PTX3: variants seen among roughly 807,000 people sequenced by gnomAD.
The protein encoded by PTX3 is pentraxin 3.
A neutral mutation model predicts 23.5 loss-of-function variants in PTX3; 24 were observed. The observed-to-expected ratio is 1.02, with a 90% CI of 0.74 to 1.43. PTX3 has a LOEUF of 1.43. PTX3 is among the 40% of genes most tolerant of loss of function. The probability of loss-of-function intolerance (pLI) is 0.00; values close to 1 mark genes in which losing one functional copy is unlikely to be tolerated. For synonymous variants in PTX3, 218 were observed against 205.4 expected (o/e 1.06, Z -0.53); for missense variants, 510 against 497.5 (o/e 1.02, Z -0.24).
chr3:157,438,123 G>A lies in PTX3; in HGVS notation c.532+209G>A, dbSNP rs528614608. Among the ~76,000 whole-genome samples the A allele has an allele frequency of 2.0e-5, 3 of 151,644 alleles. No homozygotes were observed. The East Asian group carries it at 5.9e-4, about 30-fold the overall frequency. ...GAGCTCAGGCACACCATACAAGGCG[G>A]GAAAATTGGCTTTAAAAAAGTATTC... is the stretch of plus-strand genomic sequence containing the variant. On this transcript the variant is annotated intron_variant, in intron 2 of 2. Transcript: ENST00000295927.
At chr3:157,440,718 C>T (rs973379339) in intron 2 of PTX3, among the ~76,000 whole-genome samples, 1 of 151,882 alleles carries the variant, frequency 6.6e-6, no homozygotes, top group Non-Finnish European at 1.5e-5. Context: ...ATGCAGAGCT[C>T]ACCTGTTCTT....
At position 157,437,716 on chromosome 3, in the gene PTX3, A is replaced by C; in HGVS notation, c.334A>C (p.Arg112=). ...CGCGCCGGGGGCTCCCGCAGAGGCC[A>C]GGCTGACCAGTGCTCTGGACGAGCT... ...PCAPGAPAEA[R]LTSALDELLQ... is the part of the protein sequence containing the mutation. The change falls in exon 2 of 3, where the codon AGG becomes CGG. Residue 112 remains arginine (R), a synonymous_variant. Transcript: ENST00000295927. 1 of 1,530,490 alleles carries C rather than the reference A, an allele frequency of 6.5e-7. No homozygotes were observed. Among genetic ancestry groups the C allele is most frequent in the Non-Finnish European group, 8.7e-7 (1 of 1,144,048 alleles). The allele number at this position is 1,530,490 out of a possible 1,614,324, so 94.8% of individuals were successfully genotyped here.
At position 157,443,220 on chromosome 3, in the gene PTX3, C is replaced by A; in HGVS notation, c.*241C>A. On this transcript the variant is annotated 3_prime_UTR_variant, in exon 3 of 3. Coordinates refer to ENST00000295927, the MANE Select transcript of PTX3 (RefSeq NM_002852.4). ...ATGCCATGGTGCTTTCAGTTTAATG[C>A]TGTGTCTCTGTCAGATAAACTCTCA... 1 of 433,408 alleles carries A rather than the reference C, an allele frequency of 2.3e-6. No homozygotes were observed. Among genetic ancestry groups the A allele is most frequent in the East Asian group, 3.5e-5 (1 of 28,972 alleles). 26.8% of individuals were successfully genotyped at this position (433,408 alleles called of 1,614,324 possible).
intron 2 of PTX3, 130 bp from the exon 3 acceptor site, chr3:157,442,236 C>T (rs542835849): frequency 2.1e-5 from 18 of 850,052 alleles, no homozygotes; most frequent in African/African-American, 3.4e-5. Flanking sequence ...CTTCTTAAGT[C>T]GTAATGTAGG....
intron 2 of PTX3, 32 bp downstream of exon 2, chr3:157,437,946 C>A: frequency 6.6e-7 from 1 of 1,524,060 alleles, no homozygotes; most frequent in Non-Finnish European, 8.7e-7. Flanking sequence ...GGACCTCCCA[C>A]TGCGGCTTTG....
rs752668450 is a variant in PTX3 at position 157,442,692 on chromosome 3, G to T, written c.859G>T (p.Gly287Cys). The T allele has an allele frequency of 2.5e-6, 4 of 1,614,214 alleles. No homozygotes were observed. Among genetic ancestry groups the T allele is most frequent in the Admixed American group, 1.7e-5 (1 of 60,026 alleles). ...AGGGCTCACATCCTTGTGGGTAAAT[G>T]GTGAACTGGCGGCTACCACTGTTGA... ...EEGLTSLWVN[G>C]ELAATTVEMA... Residue 287 changes from glycine to cysteine, a missense_variant, in exon 3 of 3, where the codon GGT becomes TGT. Physicochemically the swap from Gly to Cys is radical, Grantham distance 159. Coordinates refer to ENST00000295927, the MANE Select transcript of PTX3 (RefSeq NM_002852.4).
intron 2 of PTX3, among the ~76,000 whole-genome samples, chr3:157,441,508 G>T (rs1262045844): frequency 1.3e-5 from 2 of 152,090 alleles, no homozygotes; most frequent in Admixed American, 6.6e-5. Flanking sequence ...AACATTTGGT[G>T]TATTAAAATG....
In PTX3 at chr3:157,442,682, G is replaced by A; in HGVS notation, c.849G>A (p.Leu283=). ...TWNSEEGLTS[L]WVNGELAATT... ...ATTCAGAGGAAGGGCTCACATCCTT[G>A]TGGGTAAATGGTGAACTGGCGGCTA... Residue 283 remains leucine (L), a synonymous_variant, in exon 3 of 3, where the codon TTG becomes TTA. Coordinates refer to ENST00000295927, the MANE Select transcript of PTX3 (RefSeq NM_002852.4). 6.2e-7 allele frequency: 1 copy of A among 1,614,232 alleles called. No individual in the cohort carries two copies. The highest frequency in any genetic ancestry group is 1.1e-5 in the South Asian group (1 of 91,088).
rs555169605 is a variant in PTX3, at chr3:157,437,859, G to C, written c.477G>C (p.Thr159=). 2.7e-6 allele frequency: 4 copies of C among 1,498,822 alleles called. No individual in the cohort carries two copies. Among genetic ancestry groups the C allele is most frequent in the Non-Finnish European group, 2.6e-6 (3 of 1,133,436 alleles). The allele number at this position is 1,498,822 out of a possible 1,614,324, so 92.8% of individuals were successfully genotyped here. ...LAAVLEELRQ[T]RADLHAVQGW... ...CGGTGCTAGAGGAGCTGCGGCAGACGCGAGCCGACCTGCACGCGGTGCAGG... is the reference window on the plus strand; with the variant it reads ...CGGTGCTAGAGGAGCTGCGGCAGACCCGAGCCGACCTGCACGCGGTGCAGG... The change falls in exon 2 of 3, where the codon ACG becomes ACC. Residue 159 remains threonine, a synonymous_variant. Transcript: ENST00000295927.
rs1473928081 is a variant in PTX3 at position 157,437,615 on chromosome 3, A to C, written c.233A>C (p.Asp78Ala). ...GAGCGCATGCTGCTGCAAGCCACGG[A>C]CGACGTCCTGCGGGGCGAGCTGCAG... ...MRERMLLQATDDVLRGELQRL... is the reference protein window; with the variant it reads ...MRERMLLQATADVLRGELQRL... Residue 78 changes from aspartate to alanine, a missense_variant, in exon 2 of 3, where the codon GAC becomes GCC. Asp to Ala is a moderately radical substitution (Grantham distance 126). Coordinates refer to ENST00000295927, the MANE Select transcript of PTX3 (RefSeq NM_002852.4). 4.5e-6 allele frequency: 7 copies of C among 1,565,298 alleles called. No individual in the cohort carries two copies. Among genetic ancestry groups the C allele is most frequent in the African/African-American group, 2.7e-5 (2 of 73,640 alleles).
chr3:157,440,996 C>A (rs185237738), intron 2 of PTX3, among the ~76,000 whole-genome samples: 1 of 152,330 alleles, frequency 6.6e-6, no homozygotes, highest in East Asian at 1.9e-4. Context: ...TTGGTCTATT[C>A]AGCTCTTAAG....
At chr3:157,439,302 G>T (rs1733925754) in intron 2 of PTX3, among the ~76,000 whole-genome samples, 1 of 152,194 alleles carries the variant, frequency 6.6e-6, no homozygotes, top group Non-Finnish European at 1.5e-5. Context: ...GAAGAGGGAT[G>T]CATTTCTGAA....
chr3:157,437,877 G>A lies in PTX3; in HGVS notation c.495G>A (p.Ala165=). 2.0e-6 allele frequency: 3 copies of A among 1,503,846 alleles called. No individual in the cohort carries two copies. Among genetic ancestry groups the A allele is most frequent in the Non-Finnish European group, 2.6e-6 (3 of 1,135,352 alleles). 93.2% of individuals were successfully genotyped at this position (1,503,846 alleles called of 1,614,324 possible). A position where few individuals can be genotyped will look rare whatever the true frequency, so the allele number is the denominator to read the frequency against. Residue 165 remains alanine, a synonymous_variant, in exon 2 of 3, where the codon GCG becomes GCA. Coordinates refer to ENST00000295927, the MANE Select transcript of PTX3 (RefSeq NM_002852.4). ...GGCAGACGCGAGCCGACCTGCACGC[G>A]GTGCAGGGCTGGGCTGCCCGGAGCT... ...ELRQTRADLH[A]VQGWAARSWL... is the part of the protein sequence containing the mutation.
At chr3:157,437,490 C>T in intron 1 of PTX3, 23 bp from the exon 2 acceptor site, 2 of 1,593,180 alleles carry the variant, frequency 1.3e-6, no homozygotes, top group Non-Finnish European at 1.7e-6. Context: ...GGGCTGCTAA[C>T]GTGTGTGTAT....
rs1021174045 is a variant in PTX3, at chr3:157,443,618, G to T, written c.*639G>T. 6.6e-6 allele frequency: 1 copy of T among 152,528 alleles called. No homozygotes were observed. Among genetic ancestry groups the T allele is most frequent in the South Asian group, 2.1e-4 (1 of 4,822 alleles). 9.4% of individuals were successfully genotyped at this position (152,528 alleles called of 1,614,324 possible). ...ACGTCATTTAATTATAAATTTAAGA[G>T]ATGTTTTGGAGCAAACTCGTACTTT... On this transcript the variant is annotated 3_prime_UTR_variant, in exon 3 of 3. Transcript: ENST00000295927.
Position 157,437,005 on chromosome 3 carries a change from T to C in PTX3, c.72T>C (p.Asp24=). 1 of 1,614,050 alleles carries C rather than the reference T, an allele frequency of 6.2e-7. No homozygotes were observed. Among genetic ancestry groups the C allele is most frequent in the Middle Eastern group, 1.6e-4 (1 of 6,062 alleles). ...TGGCCGAGAACTCGGATGATTATGA[T>C]CTCATGTATGTGAATTTGGACAACG... ...AVLAENSDDY[D]LMYVNLDNEI... is the part of the protein sequence containing the mutation. Residue 24 remains aspartate (D), a synonymous_variant, in exon 1 of 3, where the codon GAT becomes GAC. Coordinates refer to ENST00000295927, the MANE Select transcript of PTX3 (RefSeq NM_002852.4).
At chr3:157,440,629 T>TAC (rs1387656146) in intron 2 of PTX3, among the ~76,000 whole-genome samples, 49 of 152,156 alleles carry the variant, frequency 3.2e-4, no homozygotes, top group African/African-American at 1.1e-3. Flanking sequence ...TATATGTATG[T>TAC]ATACATACAT....
In PTX3 at chr3:157,442,798, G is replaced by T. The variant is rs767030452; in HGVS notation, c.965G>T (p.Gly322Val). 2.5e-6 allele frequency: 4 copies of T among 1,614,210 alleles called. No homozygotes were observed. The stretch of plus-strand genomic sequence containing the variant: ...AAGAATGGCTGCTGTGTGGGTGGTG[G>T]CTTTGATGAAACATTAGCCTTCTCT... ...QEKNGCCVGG[G>V]FDETLAFSGR... is the part of the protein sequence containing the mutation. The change falls in exon 3 of 3, where the codon GGC (glycine) becomes GTC (valine). Residue 322 changes from glycine to valine, a missense_variant. By Grantham distance (109) the Gly-to-Val change is moderately radical. Transcript: ENST00000295927.
rs753286113 is a variant in PTX3, at chr3:157,437,590, G to C, written c.208G>C (p.Glu70Gln). ...CATGCTGGAGAACTCGCAGATGAGA[G>C]AGCGCATGCTGCTGCAAGCCACGGA... ...FIMLENSQMR[E>Q]RMLLQATDDV... The change falls in exon 2 of 3, where the codon GAG (glutamate) becomes CAG (glutamine). Residue 70 changes from glutamate (E) to glutamine (Q), a missense_variant. Physicochemically the swap from Glu to Gln is conservative, Grantham distance 29. Coordinates refer to ENST00000295927, the MANE Select transcript of PTX3 (RefSeq NM_002852.4). 6.3e-7 allele frequency: 1 copy of C among 1,584,174 alleles called. No individual in the cohort carries two copies. Among genetic ancestry groups the C allele is most frequent in the Non-Finnish European group, 8.6e-7 (1 of 1,167,316 alleles).
Sources: allele counts gnomAD v4.1 joint callset (sites outside exome capture counted in the v4.1 genomes callset), GRCh38; gene constraint gnomAD v4.1.1; transcripts MANE v1.5; gene names NCBI Gene and HGNC (gene_info 2026-07-23, HGNC 2026-07-21).